ANKRD36C: variants seen among roughly 807,000 people sequenced by gnomAD.
ANKRD36C encodes ankyrin repeat domain-containing protein 36C.
A neutral mutation model predicts 276.4 loss-of-function variants in ANKRD36C; 61 were observed. The observed-to-expected ratio is 0.22, with a 90% CI of 0.18 to 0.27. ANKRD36C has a LOEUF of 0.27. Ranked by LOEUF, ANKRD36C falls within the 10% of genes least tolerant of loss-of-function variation. The pLI, the probability that ANKRD36C is intolerant of heterozygous loss-of-function variation, is 1.00. For missense variants in ANKRD36C, 1,447 were observed against 2,032.3 expected (o/e 0.71, Z 5.54); for synonymous variants, 483 against 680.1 (o/e 0.71, Z 4.51).
At chr2:95,925,986 G>C (rs1677393476) in intron 28 of ANKRD36C, among the ~76,000 whole-genome samples, 1 of 151,496 alleles carries the variant, frequency 6.6e-6, no homozygotes. Flanking sequence ...TCTTTAACTT[G>C]CCTGGTAATT....
At chr2:95,910,554 G>A in intron 42 of ANKRD36C, 2 of 1,606,516 alleles carry the variant, frequency 1.2e-6, no homozygotes, top group Non-Finnish European at 1.7e-6. Flanking sequence ...AAGGCTGGTG[G>A]TTTCTGAGAA....
At chr2:95,971,142 C>T (rs958596404) in intron 6 of ANKRD36C, among the ~76,000 whole-genome samples, 1 of 151,924 alleles carries the variant, frequency 6.6e-6, no homozygotes, top group Non-Finnish European at 1.5e-5. Flanking sequence ...CTGGACATAT[C>T]AAAACTATGG....
intron 42 of ANKRD36C, 109 bp downstream of exon 44, chr2:95,912,135 C>T: frequency 1.4e-6 from 2 of 1,431,078 alleles, no homozygotes; most frequent in Non-Finnish European, 1.9e-6. Context: ...GAATCTCAGG[C>T]CTGCTGAATC....
chr2:95,902,749 C>T, intron 42 of ANKRD36C, 137 bp downstream of exon 54: 1 of 1,170,406 alleles, frequency 8.5e-7, no homozygotes. Flanking sequence ...CACCCACAAA[C>T]TTATTTGAAA....
At chr2:95,988,629 C>A (rs1219188562) in intron 1 of ANKRD36C, among the ~76,000 whole-genome samples, 1 of 152,080 alleles carries the variant, frequency 6.6e-6, no homozygotes, top group African/African-American at 2.4e-5. Context: ...ATGAAAAAAA[C>A]ATAAATTAAA....
At chr2:95,991,473 A>C in intron 1 of ANKRD36C, 39 bp downstream of exon 1, 11 of 1,541,220 alleles carry the variant, frequency 7.1e-6, no homozygotes, top group Non-Finnish European at 7.9e-6. Flanking sequence ...CCACATCCAC[A>C]GGCCTCCTCC....
intron 46 of ANKRD36C, among the ~76,000 whole-genome samples, 200 bp downstream of exon 66, chr2:95,891,465 G>A (rs531647086): frequency 1.6e-4 from 24 of 151,506 alleles, no homozygotes; most frequent in African/African-American, 5.1e-4. Flanking sequence ...TCAATGGGGG[G>A]AAGTGTATAC....
At chr2:95,935,095 T>C (rs1359003990) in intron 24 of ANKRD36C, among the ~76,000 whole-genome samples, 1 of 152,306 alleles carries the variant, frequency 6.6e-6, no homozygotes, top group Non-Finnish European at 1.5e-5. Context: ...TAATGTCAGC[T>C]GGTATAGCTT....
intron 40 of ANKRD36C, 48 bp from the exon 43 acceptor site, chr2:95,912,483 A>G (rs1676961882): frequency 9.4e-6 from 15 of 1,603,254 alleles, no homozygotes; most frequent in Non-Finnish European, 1.3e-5. Flanking sequence ...AATATGATAA[A>G]GTTATCCATA....
chr2:95,879,863 A>G (rs1163156417), intron 58 of ANKRD36C, among the ~76,000 whole-genome samples: 25 of 146,116 alleles, frequency 1.7e-4, no homozygotes, highest in Non-Finnish European at 1.2e-4. Context: ...TCAAAATGTA[A>G]AAGTAGAAAC....
chr2:95,863,378 C>G (rs921151500), intron 60 of ANKRD36C, among the ~76,000 whole-genome samples: 4 of 152,136 alleles, frequency 2.6e-5, no homozygotes, highest in African/African-American at 9.6e-5. Flanking sequence ...CCAGACCCAG[C>G]TGGCTATGCT....
chr2:95,919,722 T>C lies in ANKRD36C; in HGVS notation c.2246-1680A>G. On this transcript the variant is annotated intron_variant, in intron 34 of 66. Coordinates refer to ENST00000456556, the Ensembl canonical transcript of ANKRD36C. Reference sequence around the variant, plus strand: ...GATTGAACATGACATTGAATGTGTTTTGCAAATTACCTGTCTCAGATTTTT... The same window carrying C: ...GATTGAACATGACATTGAATGTGTTCTGCAAATTACCTGTCTCAGATTTTT... The C allele has an allele frequency of 1.1e-6, 1 of 871,610 alleles. No homozygotes were observed. The highest frequency in any genetic ancestry group is 1.4e-6 in the Non-Finnish European group (1 of 733,842). 54.0% of individuals were successfully genotyped at this position (871,610 alleles called of 1,614,324 possible).
At chr2:95,918,330 G>C (rs541740514) in intron 34 of ANKRD36C, among the ~76,000 whole-genome samples, 1 of 151,646 alleles carries the variant, frequency 6.6e-6, no homozygotes, top group Admixed American at 6.6e-5. Flanking sequence ...CGAGTGATGA[G>C]GACAAACTGA....
At chr2:95,871,586 G>C (rs1675813282) in intron 59 of ANKRD36C, among the ~76,000 whole-genome samples, 1 of 151,916 alleles carries the variant, frequency 6.6e-6, no homozygotes, top group East Asian at 1.9e-4. Context: ...AGACCATCGA[G>C]ACTAGGAAGA....
rs1051145584 is a variant in ANKRD36C at position 95,871,246 on chromosome 2, A to G, written c.3541-3665T>C. On this transcript the variant is annotated intron_variant, in intron 59 of 66. Coordinates refer to ENST00000456556, the Ensembl canonical transcript of ANKRD36C. Reference sequence around the variant, plus strand: ...CACCAAAGTTGAAATGAAGGAAAAAATGTTAAGGGCAGCCAGAGAGAAAGG... The same window carrying G: ...CACCAAAGTTGAAATGAAGGAAAAAGTGTTAAGGGCAGCCAGAGAGAAAGG... 1.2e-3 allele frequency among the ~76,000 whole-genome samples: 183 copies of G among 152,346 alleles called. 1 individual carries two copies. Among genetic ancestry groups the G allele is most frequent in the Admixed American group, 1.3e-3 (20 of 15,312 alleles).
Position 95,924,496 on chromosome 2 carries a change from T to G in ANKRD36C, c.2042-807A>C, listed in dbSNP as rs539134271. 1.2e-4 allele frequency among the ~76,000 whole-genome samples: 18 copies of G among 151,818 alleles called. 1 individual carries two copies. The South Asian group carries it at 3.5e-3, about 30-fold the overall frequency. On this transcript the variant is annotated intron_variant, in intron 30 of 66. Coordinates refer to ENST00000456556, the Ensembl canonical transcript of ANKRD36C. ...GAAAATAACCATTTTAGGATTCAAT[T>G]AATACATTTAACATTATTTTTGTCT...
At chr2:95,870,371 C>T (rs1374593496) in intron 59 of ANKRD36C, among the ~76,000 whole-genome samples, 1 of 152,218 alleles carries the variant, frequency 6.6e-6, no homozygotes, top group Non-Finnish European at 1.5e-5. Context: ...ATCTGCTGTT[C>T]TGCAGCCACC....
At chr2:95,951,354 C>G (rs767296260) in exon 15 of ANKRD36C, 1 of 1,488,112 alleles carries the variant, frequency 6.7e-7, no homozygotes, top group South Asian at 1.2e-5. Flanking sequence ...TTACCATCTT[C>G]TATAGATCGT....
At chr2:95,917,641 G>C (rs1414549091) in intron 36 of ANKRD36C, among the ~76,000 whole-genome samples, 4 of 151,418 alleles carry the variant, frequency 2.6e-5, no homozygotes, top group Non-Finnish European at 5.9e-5. Context: ...TTCAACGTGG[G>C]GAAGTGTATA....
Sources: gnomAD v4.1 joint callset for allele counts (sites outside exome capture counted in the v4.1 genomes callset) on GRCh38, gnomAD v4.1.1 for gene constraint, MANE v1.5 for transcripts, NCBI Gene and HGNC (gene_info 2026-07-23, HGNC 2026-07-21) for gene names.